The following XKR6 variants were observed in gnomAD, a reference collection of about 807,000 sequenced individuals.
The protein encoded by XKR6 is XK related 6, also known as XK-related protein 6.
A neutral mutation model predicts 56.7 loss-of-function variants in XKR6; 22 were observed. The observed-to-expected ratio is 0.39, with a 90% confidence interval of 0.28 to 0.55. The LOEUF is 0.55. XKR6 is among the 20% of genes least tolerant of loss of function. XKR6 has a pLI of 0.66. For missense variants in XKR6, 852 were observed against 889.0 expected (o/e 0.96, Z 0.53); for synonymous variants, 524 against 387.8 (o/e 1.35, Z -4.13).
chr8:11,118,047 C>A (rs888427294), intron 1 of XKR6, among the ~76,000 whole-genome samples: 3 of 152,072 alleles, frequency 2.0e-5, no homozygotes, highest in African/African-American at 4.8e-5. Context: ...ACGTTATTTA[C>A]CAAAATGTTA....
At chr8:11,018,570 C>T (rs1223135413) in intron 1 of XKR6, among the ~76,000 whole-genome samples, 1 of 152,160 alleles carries the variant, frequency 6.6e-6, no homozygotes, top group African/African-American at 2.4e-5. Flanking sequence ...TTTTGGTGTC[C>T]CCAGGAGAAA....
chr8:10,904,401 G>A (rs1367121908), intron 2 of XKR6, among the ~76,000 whole-genome samples: 1 of 152,206 alleles, frequency 6.6e-6, no homozygotes, highest in Non-Finnish European at 1.5e-5. Flanking sequence ...TCTTATGACC[G>A]ATGACACAGA....
intron 1 of XKR6, chr8:11,108,917 G>C (rs1563141881): frequency 6.6e-6 from 1 of 152,320 alleles, no homozygotes; most frequent in African/African-American, 2.4e-5. Context: ...CAAAGAGTTT[G>C]TCTGAAACTT....
intron 1 of XKR6, among the ~76,000 whole-genome samples, chr8:11,150,513 A>G (rs923333040): frequency 1.3e-5 from 2 of 152,146 alleles, no homozygotes; most frequent in African/African-American, 4.8e-5. Context: ...TTAAACTGGA[A>G]TATCTAACTA....
In XKR6 at chr8:11,005,842, C is replaced by CTTT. The variant is rs56880407; in HGVS notation, c.765-81015_765-81013dup. Reference sequence around the variant, plus strand: ...TAATAAAAATATTTTTTCTTTCTTTCTTTTTTTTTTTTTTTTTTTGAGATG... The same window carrying CTTT: ...TAATAAAAATATTTTTTCTTTCTTTCTTTTTTTTTTTTTTTTTTTTTTGAGATG... On this transcript the variant is annotated intron_variant, in intron 1 of 2. Transcript: ENST00000416569. Among the ~76,000 whole-genome samples, 93 of 121,322 alleles carry CTTT rather than the reference C, an allele frequency of 7.7e-4. 1 individual carries two copies. The highest frequency in any genetic ancestry group is 5.2e-3 in the Middle Eastern group (1 of 192). The allele number at this position is 121,322 out of a possible 152,430, so 79.6% of individuals were successfully genotyped here. A position where few individuals can be genotyped will look rare whatever the true frequency, so the allele number is the denominator to read the frequency against.
chr8:11,101,867 T>C (rs1313079936), intron 1 of XKR6, among the ~76,000 whole-genome samples: 1 of 152,096 alleles, frequency 6.6e-6, no homozygotes, highest in Non-Finnish European at 1.5e-5. Flanking sequence ...TAAGGCCCCA[T>C]CTAGAAACGC....
At chr8:10,973,953 T>C (rs1563321322) in intron 1 of XKR6, among the ~76,000 whole-genome samples, 1 of 152,242 alleles carries the variant, frequency 6.6e-6, no homozygotes, top group East Asian at 1.9e-4. Context: ...AATGACTTCA[T>C]TTTTCTGGAT....
rs575943399 is a variant in XKR6, at chr8:11,178,590, T to TACACAC, written c.764+21980_764+21985dup. On this transcript the variant is annotated intron_variant, in intron 1 of 2. Transcript: ENST00000416569. Reference sequence around the variant, plus strand: ...TATATATATGTATATATATATGTACTACACACACACACAAATATATATATA... The same window carrying TACACAC: ...TATATATATGTATATATATATGTACTACACACACACACACACACAAATATATATATA... Among the ~76,000 whole-genome samples, 97 of 122,670 alleles carry TACACAC rather than the reference T, an allele frequency of 7.9e-4. 1 individual carries two copies. The highest frequency in any genetic ancestry group is 8.9e-3 in the Middle Eastern group (2 of 224). The allele number at this position is 122,670 out of a possible 152,430, so 80.5% of individuals were successfully genotyped here. A position where few individuals can be genotyped will look rare whatever the true frequency, so the allele number is the denominator to read the frequency against.
chr8:10,896,251 G>C lies in XKR6; in HGVS notation c.*1701C>G, dbSNP rs973203059. 6.6e-6 allele frequency: 1 copy of C among 151,816 alleles called. No individual in the cohort carries two copies. The highest frequency in any genetic ancestry group is 1.5e-5 in the Non-Finnish European group (1 of 67,936). The allele number at this position is 151,816 out of a possible 1,614,324, so 9.4% of individuals were successfully genotyped here. A position where few individuals can be genotyped will look rare whatever the true frequency, so the allele number is the denominator to read the frequency against. On this transcript the variant is annotated 3_prime_UTR_variant, in exon 3 of 3. Transcript: ENST00000416569. ...TGAAAAATAAAAAAAAATTTAAATC[G>C]TTGAACATACTTGCAACACCTGCAG...
intron 1 of XKR6, among the ~76,000 whole-genome samples, chr8:10,938,260 C>T (rs1408796008): frequency 1.3e-5 from 2 of 152,164 alleles, no homozygotes; most frequent in Non-Finnish European, 2.9e-5. Flanking sequence ...TGCTTCGGCT[C>T]GCGCACGGTG....
At chr8:10,967,488 C>T (rs774986672) in intron 1 of XKR6, among the ~76,000 whole-genome samples, 11 of 152,184 alleles carry the variant, frequency 7.2e-5, no homozygotes, top group Admixed American at 7.2e-4. Flanking sequence ...TGTACAGGAG[C>T]CAAGACCAGG....
chr8:11,069,081 T>G (rs943545760), intron 1 of XKR6, among the ~76,000 whole-genome samples: 2 of 151,948 alleles, frequency 1.3e-5, no homozygotes, highest in Non-Finnish European at 2.9e-5. Context: ...TCTTGCCCCA[T>G]CAGCAGAGCT....
chr8:10,991,844 T>C (rs1290613001), intron 1 of XKR6, among the ~76,000 whole-genome samples: 1 of 152,242 alleles, frequency 6.6e-6, no homozygotes, highest in African/African-American at 2.4e-5. Context: ...ATTGGAATTG[T>C]CTCAAACACT....
At chr8:11,079,466 T>C (rs1797638711) in intron 1 of XKR6, among the ~76,000 whole-genome samples, 1 of 152,208 alleles carries the variant, frequency 6.6e-6, no homozygotes, top group Non-Finnish European at 1.5e-5. Flanking sequence ...ATAAAATCTG[T>C]CTATCTGCAT....
At chr8:10,901,282 C>T (rs1345192831) in intron 2 of XKR6, among the ~76,000 whole-genome samples, 4 of 152,110 alleles carry the variant, frequency 2.6e-5, no homozygotes, top group Admixed American at 6.5e-5. Context: ...TCTTGAACTC[C>T]TGACCTCAAG....
intron 1 of XKR6, chr8:11,106,357 T>G (rs1186030078): frequency 6.6e-6 from 1 of 152,070 alleles, no homozygotes; most frequent in Non-Finnish European, 1.5e-5. Context: ...AACTCAGAAC[T>G]CCAGAAGCCA....
Position 11,121,057 on chromosome 8 carries a change from C to T in XKR6, c.764+79519G>A, listed in dbSNP as rs1011522701. Reference sequence around the variant, plus strand: ...TAATTCAAGATGGATTAAAGCCTTACATGTTAGACCTAAAACCATAAAAAC... The same window carrying T: ...TAATTCAAGATGGATTAAAGCCTTATATGTTAGACCTAAAACCATAAAAAC... On this transcript the variant is annotated intron_variant, in intron 1 of 2. Transcript: ENST00000416569. 8.5e-5 allele frequency among the ~76,000 whole-genome samples: 13 copies of T among 152,216 alleles called. 2 individuals are homozygous for T. Among genetic ancestry groups the T allele is most frequent in the African/African-American group, 2.9e-4 (12 of 41,546 alleles).
intron 1 of XKR6, among the ~76,000 whole-genome samples, chr8:11,096,448 T>C (rs1798265034): frequency 6.6e-6 from 1 of 152,222 alleles, no homozygotes; most frequent in African/African-American, 2.4e-5. Flanking sequence ...TAATTTCTAA[T>C]TTTTTGCAGT....
intron 1 of XKR6, among the ~76,000 whole-genome samples, chr8:11,086,363 G>A (rs945606861): frequency 4.6e-5 from 7 of 152,070 alleles, no homozygotes; most frequent in African/African-American, 1.7e-4. Context: ...AGCCCGGGCC[G>A]AGGATGTGCC....
Sources: allele counts gnomAD v4.1 joint callset (sites outside exome capture counted in the v4.1 genomes callset), GRCh38; gene constraint gnomAD v4.1.1; transcripts MANE v1.5; gene names NCBI Gene and HGNC (gene_info 2026-07-23, HGNC 2026-07-21).